The following ACO2 variants were observed in gnomAD, a reference collection of about 807,000 sequenced individuals.
ACO2 encodes the protein aconitate hydratase, mitochondrial.
Under a neutral mutation model 84.5 loss-of-function variants are expected in ACO2, and 31 were observed. The ratio of observed to expected loss-of-function variants is 0.37; its 90% CI spans 0.28 to 0.50. The LOEUF is 0.50. ACO2 is among the 20% of genes least tolerant of loss of function. The probability of loss-of-function intolerance (pLI) is 0.97; values close to 1 mark genes in which losing one functional copy is unlikely to be tolerated. For synonymous variants in ACO2, 414 were observed against 412.7 expected, an observed-to-expected ratio of 1.00 and a Z score of -0.04; for missense variants, 685 against 1,029.3, an observed-to-expected ratio of 0.67 and a Z score of 4.58.
At chr22:41,523,136 C>A in intron 10 of ACO2, 69 bp from the exon 11 acceptor site, 2 of 1,538,484 alleles carry the variant, frequency 1.3e-6, no homozygotes, top group Admixed American at 1.8e-5. Flanking sequence ...GTCCTGCAGC[C>A]ACCACATCAC....
At position 41,528,792 on chromosome 22, in the gene ACO2, T is replaced by G. The variant is rs193086541; in HGVS notation, c.*179T>G. ...GTGGTGGGGGGGTTCTTAAAATAACTTTTTAGCCCCCGTCTTCCTATTTTG... is the reference window on the plus strand; with the variant it reads ...GTGGTGGGGGGGTTCTTAAAATAACGTTTTAGCCCCCGTCTTCCTATTTTG... On this transcript the variant is annotated 3_prime_UTR_variant, in exon 18 of 18. Transcript: ENST00000216254. The G allele has an allele frequency of 2.4e-6, 2 of 832,756 alleles. No homozygotes were observed. Among genetic ancestry groups the G allele is most frequent in the Admixed American group, 6.3e-5 (2 of 31,708 alleles). 51.6% of individuals were successfully genotyped at this position (832,756 alleles called of 1,614,324 possible).
intron 9 of ACO2, among the ~76,000 whole-genome samples, chr22:41,521,778 CTTT>C (rs1041027606): frequency 7.0e-6 from 1 of 143,208 alleles, no homozygotes. Flanking sequence ...AATCCCAACC[CTTT>C]TTTTTTTTTT....
intron 1 of ACO2, among the ~76,000 whole-genome samples, chr22:41,481,788 G>A (rs2038091229): frequency 6.6e-6 from 1 of 152,022 alleles, no homozygotes; most frequent in South Asian, 2.1e-4. Context: ...TCACGGCTCT[G>A]CCTTCATCTG....
chr22:41,485,651 G>A (rs1467254665), intron 1 of ACO2, among the ~76,000 whole-genome samples: 1 of 151,660 alleles, frequency 6.6e-6, no homozygotes, highest in African/African-American at 2.4e-5. Flanking sequence ...CACTGTGTTA[G>A]CCAGGATGGT....
chr22:41,484,188 T>A (rs1320942000), intron 1 of ACO2, among the ~76,000 whole-genome samples: 1 of 152,214 alleles, frequency 6.6e-6, no homozygotes, highest in Non-Finnish European at 1.5e-5. Context: ...AAAATTACAT[T>A]AAAAACAAAA....
At chr22:41,502,402 C>T (rs1047462881) in intron 2 of ACO2, among the ~76,000 whole-genome samples, 2 of 152,196 alleles carry the variant, frequency 1.3e-5, no homozygotes, top group Non-Finnish European at 1.5e-5. Flanking sequence ...GTGAGAAGCA[C>T]TGGCCCGTTC....
chr22:41,491,578 CTG>C, intron 1 of ACO2, among the ~76,000 whole-genome samples: 1 of 152,258 alleles, frequency 6.6e-6, no homozygotes, highest in East Asian at 1.9e-4. Flanking sequence ...GCCTTTAAAA[CTG>C]TCTGCAGTAA....
At chr22:41,489,204 G>A (rs957134989) in intron 1 of ACO2, among the ~76,000 whole-genome samples, 7 of 152,096 alleles carry the variant, frequency 4.6e-5, no homozygotes, top group Non-Finnish European at 8.8e-5. Flanking sequence ...CACCTTGCTC[G>A]GCTAATTTTG....
chr22:41,512,013 A>C (rs997607214), intron 4 of ACO2, 45 bp downstream of exon 4: 1 of 1,534,644 alleles, frequency 6.5e-7, no homozygotes, highest in African/African-American at 1.4e-5. Flanking sequence ...CAAGCCAGAG[A>C]AGTATGTTCC....
At chr22:41,526,540 A>C in intron 15 of ACO2, 87 bp downstream of exon 15, 1 of 1,462,110 alleles carries the variant, frequency 6.8e-7, no homozygotes, top group Non-Finnish European at 9.2e-7. Context: ...AGGGGAGTGG[A>C]AACTGGGAAG....
chr22:41,501,276 A>G (rs994636092), intron 2 of ACO2, among the ~76,000 whole-genome samples: 11 of 152,194 alleles, frequency 7.2e-5, no homozygotes, highest in African/African-American at 2.7e-4. Flanking sequence ...TGCTGGGATT[A>G]CAGGCGCGAG....
At chr22:41,518,889 T>G (rs2066497105) in intron 8 of ACO2, among the ~76,000 whole-genome samples, 1 of 152,014 alleles carries the variant, frequency 6.6e-6, no homozygotes, top group Non-Finnish European at 1.5e-5. Context: ...GAGGTTGCAG[T>G]CAGCCGAGAT....
intron 1 of ACO2, 149 bp from the exon 2 acceptor site, chr22:41,499,577 T>C (rs563903700): frequency 4.7e-6 from 4 of 846,986 alleles, no homozygotes; most frequent in South Asian, 3.5e-5. Flanking sequence ...TTGTCATCCC[T>C]GTCCTGCAGA....
At chr22:41,526,711 A>G (rs1174880320) in intron 15 of ACO2, 1 of 438,682 alleles carries the variant, frequency 2.3e-6, no homozygotes, top group African/African-American at 2.0e-5. Context: ...GGCCCTAGAC[A>G]AAGACAAGGA....
chr22:41,486,278 C>T (rs2038153388), intron 1 of ACO2, among the ~76,000 whole-genome samples: 1 of 151,976 alleles, frequency 6.6e-6, no homozygotes, highest in African/African-American at 2.4e-5. Flanking sequence ...AGAGGGTACA[C>T]GATAAGCTAC....
At chr22:41,511,765 T>G in intron 3 of ACO2, 111 bp from the exon 4 acceptor site, 1 of 700,108 alleles carries the variant, frequency 1.4e-6, no homozygotes, top group Non-Finnish European at 2.3e-6. Context: ...CTGTCTCCAG[T>G]GCCAGTATTT....
chr22:41,483,190 C>T (rs1302115219), intron 1 of ACO2, among the ~76,000 whole-genome samples: 4 of 152,146 alleles, frequency 2.6e-5, no homozygotes, highest in Admixed American at 6.5e-5. Flanking sequence ...AGGCCTGAGA[C>T]GTAGGCTCCA....
chr22:41,523,064 C>T (rs1226917972), intron 10 of ACO2, 77 bp downstream of exon 10: 33 of 1,583,760 alleles, frequency 2.1e-5, no homozygotes, highest in Non-Finnish European at 2.8e-5. Context: ...AGCCCAGAGG[C>T]CTGTTGGGCC....
At chr22:41,496,245 G>T (rs900190407) in intron 1 of ACO2, among the ~76,000 whole-genome samples, 5 of 152,018 alleles carry the variant, frequency 3.3e-5, no homozygotes, top group Admixed American at 2.6e-4. Context: ...AACCTGGGAG[G>T]CAGAAGTTGC....
Sources: gnomAD v4.1 joint callset for allele counts (sites outside exome capture counted in the v4.1 genomes callset) on GRCh38, gnomAD v4.1.1 for gene constraint, MANE v1.5 for transcripts, NCBI Gene and HGNC (gene_info 2026-07-23, HGNC 2026-07-21) for gene names.